MORC1: variants seen among roughly 807,000 people sequenced by gnomAD.
MORC1 encodes the protein MORC family CW-type zinc finger protein 1.
Under a neutral mutation model 134.9 loss-of-function variants are expected in MORC1, and 59 were observed. That is an observed-to-expected ratio of 0.44 (90% confidence interval 0.35 to 0.54). The LOEUF (loss-of-function observed/expected upper bound fraction) is 0.54. Among genes scored for constraint, MORC1 ranks in the 20% least tolerant of loss-of-function variants. The pLI is 0.00. For missense variants in MORC1, 947 were observed against 1,134.5 expected (o/e 0.83, Z 2.37); for synonymous variants, 395 against 391.7 (o/e 1.01, Z -0.10).
chr3:108,959,661 T>C (rs1947027002), intron 27 of MORC1, among the ~76,000 whole-genome samples: 1 of 152,152 alleles, frequency 6.6e-6, no homozygotes, highest in African/African-American at 2.4e-5. Context: ...TCTTGATCCA[T>C]GGAACAGTTA....
intron 13 of MORC1, among the ~76,000 whole-genome samples, chr3:109,056,430 T>C (rs1000395582): frequency 3.9e-5 from 6 of 152,152 alleles, no homozygotes; most frequent in African/African-American, 1.4e-4. Flanking sequence ...GGTTTCACCG[T>C]GCTAGCCAGG....
intron 21 of MORC1, among the ~76,000 whole-genome samples, chr3:108,996,307 C>CACACA (rs1052240440): frequency 1.3e-5 from 2 of 148,312 alleles, no homozygotes; most frequent in Non-Finnish European, 3.0e-5. Context: ...CACACACACA[C>CACACA]AACTAGAATT....
At chr3:109,024,924 T>C (rs1949039204) in intron 17 of MORC1, among the ~76,000 whole-genome samples, 1 of 152,200 alleles carries the variant, frequency 6.6e-6, no homozygotes, top group Admixed American at 6.5e-5. Flanking sequence ...TCTAAAGGGT[T>C]TTAGAATGAG....
At chr3:109,000,490 A>T in intron 21 of MORC1, 67 bp downstream of exon 21, 1 of 1,206,118 alleles carries the variant, frequency 8.3e-7, no homozygotes, top group South Asian at 1.5e-5. Context: ...TGAGACACTA[A>T]CAGATCCCTC....
chr3:109,081,641 G>C (rs1251865372), intron 8 of MORC1, among the ~76,000 whole-genome samples: 1 of 151,992 alleles, frequency 6.6e-6, no homozygotes, highest in African/African-American at 2.4e-5. Context: ...ATTTACTAGA[G>C]ACAGGGTTTC....
chr3:109,108,721 C>A lies in MORC1; in HGVS notation c.154+2028G>T, dbSNP rs552636531. Among the ~76,000 whole-genome samples, 14 of 152,148 alleles carry A rather than the reference C, an allele frequency of 9.2e-5. No individual in the cohort carries two copies. The South Asian group carries it at 2.9e-3, about 32-fold the overall frequency. On this transcript the variant is annotated intron_variant, in intron 3 of 27. Coordinates refer to ENST00000232603, the MANE Select transcript of MORC1 (RefSeq NM_014429.4). ...GACCATCCTGGCTAACATGGTGAAA[C>A]CCCGGCTCTACTAAAAATACAAAAA... is the stretch of plus-strand genomic sequence containing the variant.
intron 17 of MORC1, among the ~76,000 whole-genome samples, chr3:109,020,041 T>C (rs771982531): frequency 2.0e-5 from 3 of 152,168 alleles, no homozygotes; most frequent in Non-Finnish European, 4.4e-5. Flanking sequence ...AGTGGCAACA[T>C]CCCTCCCTTA....
chr3:108,989,999 G>T (rs556117510), intron 21 of MORC1, among the ~76,000 whole-genome samples: 65 of 152,170 alleles, frequency 4.3e-4, no homozygotes, highest in Admixed American at 2.0e-3. Context: ...CTGTTCTTGT[G>T]ACAGTAAGTC....
intron 14 of MORC1, among the ~76,000 whole-genome samples, chr3:109,040,352 C>CTGAAAGAA (rs772338572): frequency 1.1e-4 from 4 of 35,928 alleles, no homozygotes; most frequent in South Asian, 1.2e-3. Context: ...ACTCAAAGAA[C>CTGAAAGAA]TGAAAGAAAG....
chr3:109,042,318 G>A lies in MORC1; in HGVS notation c.1331-6850C>T, dbSNP rs928289314. Among the ~76,000 whole-genome samples, 6 of 152,250 alleles carry A rather than the reference G, an allele frequency of 3.9e-5. No homozygotes were observed. In the East Asian group the frequency reaches 7.7e-4, roughly 20 times the overall value. ...AAGAAGACATATAAGTGGCCAACAC[G>A]TATATATTTTTTAAATGCTCCATGT... On this transcript the variant is annotated intron_variant, in intron 14 of 27. Transcript: ENST00000232603.
intron 21 of MORC1, among the ~76,000 whole-genome samples, 179 bp downstream of exon 21, chr3:109,000,378 T>C (rs1006528386): frequency 2.6e-5 from 4 of 152,190 alleles, no homozygotes; most frequent in African/African-American, 9.6e-5. Context: ...TCCAGATATA[T>C]CCCTACTAGT....
chr3:108,969,331 T>C (rs556469857), intron 26 of MORC1, among the ~76,000 whole-genome samples: 2 of 152,336 alleles, frequency 1.3e-5, no homozygotes, highest in South Asian at 4.1e-4. Flanking sequence ...TATCAAATTG[T>C]TGGAAATAAT....
At chr3:109,097,624 G>A (rs1182069804) in intron 6 of MORC1, among the ~76,000 whole-genome samples, 2 of 152,122 alleles carry the variant, frequency 1.3e-5, no homozygotes, top group Non-Finnish European at 2.9e-5. Flanking sequence ...AGAAAGCCCT[G>A]AGCAGACTTC....
chr3:108,996,286 G>GCGCGCACA, intron 21 of MORC1, among the ~76,000 whole-genome samples: 57 of 146,468 alleles, frequency 3.9e-4, no homozygotes, highest in African/African-American at 1.4e-3. Context: ...GCGCGCGCGC[G>GCGCGCACA]CACACACACA....
At chr3:109,091,031 T>G (rs1162111270) in intron 8 of MORC1, among the ~76,000 whole-genome samples, 2 of 152,138 alleles carry the variant, frequency 1.3e-5, no homozygotes. Flanking sequence ...TAAGAATTTA[T>G]GTCTTTTCTA....
intron 8 of MORC1, among the ~76,000 whole-genome samples, chr3:109,085,101 G>A (rs1950591955): frequency 6.6e-6 from 1 of 151,934 alleles, no homozygotes; most frequent in East Asian, 1.9e-4. Flanking sequence ...TCTGGGCAAA[G>A]GGGTGTGTCT....
intron 8 of MORC1, among the ~76,000 whole-genome samples, chr3:109,070,281 G>A (rs1950288640): frequency 1.3e-5 from 2 of 152,078 alleles, no homozygotes; most frequent in African/African-American, 2.4e-5. Flanking sequence ...AAGTATTTAT[G>A]GCCAGCTGAG....
chr3:109,024,154 T>C (rs980967444), intron 17 of MORC1, among the ~76,000 whole-genome samples: 1 of 152,216 alleles, frequency 6.6e-6, no homozygotes, highest in African/African-American at 2.4e-5. Flanking sequence ...TGATTTGCAA[T>C]ATATAAGTTT....
intron 23 of MORC1, among the ~76,000 whole-genome samples, chr3:108,983,895 G>C (rs1257782547): frequency 6.6e-6 from 1 of 152,160 alleles, no homozygotes; most frequent in Admixed American, 6.5e-5. Context: ...AGAACTACTA[G>C]TAATTTAGAA....
Sources: gnomAD v4.1 joint callset for allele counts (sites outside exome capture counted in the v4.1 genomes callset) on GRCh38, gnomAD v4.1.1 for gene constraint, MANE v1.5 for transcripts, NCBI Gene and HGNC (gene_info 2026-07-23, HGNC 2026-07-21) for gene names.